Variants in TENM2 observed in about 807,000 individuals in gnomAD.
The protein encoded by TENM2 is teneurin transmembrane protein 2.
In TENM2, 52 loss-of-function variants were observed where a neutral mutation model predicts 245.2. The ratio of observed to expected loss-of-function variants is 0.21; its 90% CI spans 0.17 to 0.27. TENM2 has a LOEUF of 0.27. Among genes scored for constraint, TENM2 ranks in the 10% least tolerant of loss-of-function variants. The pLI is 1.00. For missense variants in TENM2, 3,046 were observed against 3,666.8 expected, an observed-to-expected ratio of 0.83 and a Z score of 4.37; for synonymous variants, 1,363 against 1,438.9, an observed-to-expected ratio of 0.95 and a Z score of 1.19.
intron 2 of TENM2, among the ~76,000 whole-genome samples, chr5:167,398,327 C>T (rs1762170759): frequency 6.6e-6 from 1 of 151,702 alleles, no homozygotes; most frequent in African/African-American, 2.4e-5. Flanking sequence ...GTCCCCTTCC[C>T]TTATTCTTTC....
chr5:167,545,278 T>C (rs1772480800), intron 2 of TENM2, among the ~76,000 whole-genome samples: 1 of 152,226 alleles, frequency 6.6e-6, no homozygotes, highest in Admixed American at 6.5e-5. Context: ...ACAACCTCCA[T>C]AGATAACTGC....
chr5:167,736,374 G>A (rs967916487), intron 2 of TENM2, among the ~76,000 whole-genome samples: 2 of 151,996 alleles, frequency 1.3e-5, no homozygotes, highest in African/African-American at 4.8e-5. Flanking sequence ...ATATCACAAA[G>A]GGACTTAGAG....
At chr5:167,566,299 C>T (rs1431917846) in intron 2 of TENM2, among the ~76,000 whole-genome samples, 4 of 151,992 alleles carry the variant, frequency 2.6e-5, no homozygotes, top group Non-Finnish European at 4.4e-5. Context: ...TTAGATGTCA[C>T]GTACTCTGAG....
the TENM2 span, among the ~76,000 whole-genome samples, chr5:167,238,009 C>CAA: frequency 0.065 from 2,833 of 43,526 alleles, 367 homozygotes; most frequent in African/African-American, 0.22. Context: ...GACTCTGTCT[C>CAA]AAAAAAAAAA....
chr5:167,144,081 T>C, the TENM2 span, among the ~76,000 whole-genome samples: 1 of 152,168 alleles, frequency 6.6e-6, no homozygotes, highest in Non-Finnish European at 1.5e-5. Context: ...GCAGCTGTAT[T>C]ATTCATACTT....
At chr5:167,486,630 C>G (rs1481230680) in intron 2 of TENM2, among the ~76,000 whole-genome samples, 2 of 152,076 alleles carry the variant, frequency 1.3e-5, no homozygotes, top group African/African-American at 4.8e-5. Flanking sequence ...GCCCGGCCTG[C>G]CATTTCTTAA....
chr5:167,668,687 G>C (rs529456982), intron 2 of TENM2, among the ~76,000 whole-genome samples: 1 of 152,186 alleles, frequency 6.6e-6, no homozygotes, highest in Admixed American at 6.5e-5. Flanking sequence ...AAGCACAGTG[G>C]CTCAAAACTG....
intron 4 of TENM2, among the ~76,000 whole-genome samples, chr5:167,991,943 A>G (rs1234756754): frequency 6.6e-6 from 1 of 152,244 alleles, no homozygotes; most frequent in African/African-American, 2.4e-5. Flanking sequence ...TCTGCCATAA[A>G]AATGGAATGA....
At chr5:167,263,776 TG>T in the TENM2 span, among the ~76,000 whole-genome samples, 5 of 151,822 alleles carry the variant, frequency 3.3e-5, no homozygotes, top group African/African-American at 7.3e-5. Flanking sequence ...CTATAGTAGC[TG>T]GGACTACATC....
chr5:168,129,591 A>G (rs564168376), intron 12 of TENM2: 33 of 152,320 alleles, frequency 2.2e-4, no homozygotes, highest in African/African-American at 7.5e-4. Flanking sequence ...GGTTTTCTCA[A>G]AAACAAAGCC....
the TENM2 span, among the ~76,000 whole-genome samples, chr5:167,164,107 G>A: frequency 4.6e-5 from 7 of 152,028 alleles, no homozygotes; most frequent in East Asian, 3.9e-4. Flanking sequence ...TGGCAAGAAC[G>A]CCAGCTTCAA....
chr5:167,474,538 G>A (rs550822546), intron 2 of TENM2, among the ~76,000 whole-genome samples: 5 of 147,576 alleles, frequency 3.4e-5, no homozygotes, highest in African/African-American at 1.3e-4. Context: ...TTTTGAGACG[G>A]AGTCTCACTC....
At chr5:167,234,036 G>C in the TENM2 span, among the ~76,000 whole-genome samples, 1 of 150,622 alleles carries the variant, frequency 6.6e-6, no homozygotes, top group Admixed American at 6.6e-5. Flanking sequence ...GCAAGTAAAA[G>C]CACTTTAAAA....
At chr5:167,568,007 C>T (rs1774023868) in intron 2 of TENM2, among the ~76,000 whole-genome samples, 1 of 151,276 alleles carries the variant, frequency 6.6e-6, no homozygotes, top group Non-Finnish European at 1.5e-5. Flanking sequence ...CTCATGTAAC[C>T]TTCAGTATAC....
the TENM2 span, among the ~76,000 whole-genome samples, chr5:167,174,546 A>G: frequency 1.3e-5 from 2 of 152,004 alleles, no homozygotes; most frequent in African/African-American, 4.8e-5. Context: ...GCTTTGTTTT[A>G]ATTTTCTTTT....
At chr5:168,060,883 T>G (rs1789980411) in intron 6 of TENM2, among the ~76,000 whole-genome samples, 1 of 152,178 alleles carries the variant, frequency 6.6e-6, no homozygotes, top group African/African-American at 2.4e-5. Context: ...TTTAGCAATT[T>G]TCTCATTTCT....
chr5:167,024,663 G>T, the TENM2 span, among the ~76,000 whole-genome samples: 1 of 152,164 alleles, frequency 6.6e-6, no homozygotes, highest in Non-Finnish European at 1.5e-5. Context: ...AATCCTAAAG[G>T]TGGGACTAGC....
chr5:168,174,127 C>T (rs1329986780), intron 13 of TENM2, among the ~76,000 whole-genome samples: 1 of 152,172 alleles, frequency 6.6e-6, no homozygotes, highest in Non-Finnish European at 1.5e-5. Flanking sequence ...TGCAACCATG[C>T]CTGCCCCTCA....
chr5:167,328,204 G>GTTTTTTTTTTTT (rs70976412), intron 1 of TENM2, among the ~76,000 whole-genome samples: 4 of 91,032 alleles, frequency 4.4e-5, no homozygotes, highest in Non-Finnish European at 5.9e-5. Flanking sequence ...TTCTCATATC[G>GTTTTTTTTTTTT]TTTTTTTTTT....
Sources: gnomAD v4.1 joint callset for allele counts (sites outside exome capture counted in the v4.1 genomes callset) on GRCh38, gnomAD v4.1.1 for gene constraint, MANE v1.5 for transcripts, NCBI Gene and HGNC (gene_info 2026-07-23, HGNC 2026-07-21) for gene names.